The following ISYNA1 variants were observed in gnomAD, a reference collection of about 807,000 sequenced individuals.
ISYNA1 encodes inositol-3-phosphate synthase 1.
A neutral mutation model predicts 50.3 loss-of-function variants in ISYNA1; 34 were observed. The observed-to-expected ratio is 0.68, with a 90% confidence interval of 0.51 to 0.90. The LOEUF (loss-of-function observed/expected upper bound fraction) is 0.90. Among genes scored for constraint, ISYNA1 ranks in the 40% least tolerant of loss-of-function variants. ISYNA1 has a pLI of 0.00. For synonymous variants in ISYNA1, 396 were observed against 349.9 expected (o/e 1.13, Z -1.47); for missense variants, 718 against 784.8 (o/e 0.91, Z 1.02).
At position 18,434,843 on chromosome 19, in the gene ISYNA1, T is replaced by G; in HGVS notation, c.*70A>C. On this transcript the variant is annotated 3_prime_UTR_variant, in exon 11 of 11. Transcript: ENST00000338128. ...GGCTGAGTGGCAGCGCCTTTATTTG[T>G]GGGGGCCTTCAAGGTAGGGTCGTGG... 5 of 1,316,244 alleles carry G rather than the reference T, an allele frequency of 3.8e-6. No individual in the cohort carries two copies. Among genetic ancestry groups the G allele is most frequent in the Non-Finnish European group, 5.4e-6 (5 of 918,404 alleles). 81.5% of individuals were successfully genotyped at this position (1,316,244 alleles called of 1,614,324 possible).
At chr19:18,437,832 C>G (rs1180057487) in intron 2 of ISYNA1, 28 bp downstream of exon 2, 1 of 1,610,616 alleles carries the variant, frequency 6.2e-7, no homozygotes, top group Non-Finnish European at 8.5e-7. Flanking sequence ...CTCCCCAGCA[C>G]GCCTCCTTCC....
Position 18,435,271 on chromosome 19 carries a change from G to A in ISYNA1, c.1467C>T (p.Ile489=). ...ACCTGGAGGCTGGGGTGCACCTGAG[G>A]ATGTTCTCGATGCAGCTGCGCTGGC... ...LFRQRSCIEN[I]LRACVGLPPQ... is the part of the protein sequence containing the mutation. The change falls in exon 10 of 11, where the codon ATC becomes ATT. Residue 489 remains isoleucine (I), a synonymous_variant. Coordinates refer to ENST00000338128, the MANE Select transcript of ISYNA1 (RefSeq NM_016368.5). 1.9e-6 allele frequency: 3 copies of A among 1,605,194 alleles called. No individual in the cohort carries two copies. Among genetic ancestry groups the A allele is most frequent in the Admixed American group, 1.7e-5 (1 of 60,004 alleles).
chr19:18,435,219 AG>A (rs35926638), intron 10 of ISYNA1, 46 bp downstream of exon 10: 595,308 of 1,594,268 alleles, frequency 0.37, 118,360 homozygotes, highest in African/African-American at 0.75. Context: ...TAGCTTAGCC[AG>A]GGGGGTATCT....
Position 18,435,785 on chromosome 19 carries a change from T to C in ISYNA1, c.1112A>G (p.Tyr371Cys). The C allele has an allele frequency of 6.2e-7, 1 of 1,613,600 alleles. No individual in the cohort carries two copies. The highest frequency in any genetic ancestry group is 8.5e-7 in the Non-Finnish European group (1 of 1,179,900). Residue 371 changes from tyrosine to cysteine, a missense_variant, in exon 8 of 11, where the codon TAT becomes TGT. Transcript: ENST00000338128. ...GTGGTCAGGCTCTTCGCCGGGCGTA[T>C]AGAGCACTGGGTTGCTCTGCACCAT... The part of the protein sequence containing the change: ...DDMVQSNPVL[Y>C]TPGEEPDHCV...
chr19:18,437,581 C>T lies in ISYNA1; in HGVS notation c.282+18G>A. ...TCCCACCAAGCCTCCCTACCCACCA[C>T]GCCCCTCCCGCCCCCACCTTGCGGC... On this transcript the variant is annotated intron_variant, in intron 3 of 10. Coordinates refer to ENST00000338128, the MANE Select transcript of ISYNA1 (RefSeq NM_016368.5). 6.9e-7 allele frequency: 1 copy of T among 1,444,584 alleles called. No individual in the cohort carries two copies. Among genetic ancestry groups the T allele is most frequent in the Non-Finnish European group, 9.1e-7 (1 of 1,100,246 alleles). 89.5% of individuals were successfully genotyped at this position (1,444,584 alleles called of 1,614,324 possible). A position where few individuals can be genotyped will look rare whatever the true frequency, so the allele number is the denominator to read the frequency against.
At chr19:18,436,914 T>C (rs570653689) in intron 4 of ISYNA1, 37 bp from the exon 5 acceptor site, 68 of 1,598,028 alleles carry the variant, frequency 4.3e-5, no homozygotes, top group Non-Finnish European at 5.8e-5. Context: ...GCCCGGATCC[T>C]GGGCCCCTCC....
intron 4 of ISYNA1, 21 bp downstream of exon 4, chr19:18,436,952 C>A: frequency 6.2e-7 from 1 of 1,606,940 alleles, no homozygotes; most frequent in Non-Finnish European, 8.5e-7. Context: ...CCGCCCCACC[C>A]CGGCCCAGGG....
rs374999334 is a variant in ISYNA1, at chr19:18,435,530, C to T, written c.1254+33G>A. 2.0e-5 allele frequency: 32 copies of T among 1,604,566 alleles called. No homozygotes were observed. The African/African-American group carries it at 3.1e-4, about 15-fold the overall frequency. ...AGATGGGGGCGGTGGCCAAGCCCTG[C>T]CTCCCATAGCAGCCCCTGAAGCCGC... On this transcript the variant is annotated intron_variant, in intron 9 of 10. Transcript: ENST00000338128.
rs752841720 is a variant in ISYNA1 at position 18,435,582 on chromosome 19, A to G, written c.1235T>C (p.Val412Ala). ...CCGCACCTCACACGTGTTGTGCAGC[A>G]CCAGTGTGTTGGTTCCGCCCAGCAT... ...ELMLGGTNTL[V>A]LHNTCEDSLL... The change falls in exon 9 of 11, where the codon GTG (valine) becomes GCG (alanine). Residue 412 changes from valine to alanine, a missense_variant. Physicochemically the swap from Val to Ala is moderately conservative, Grantham distance 64. Transcript: ENST00000338128. 2 of 1,608,658 alleles carry G rather than the reference A, an allele frequency of 1.2e-6. No homozygotes were observed. The highest frequency in any genetic ancestry group is 1.7e-5 in the Admixed American group (1 of 59,462).
chr19:18,435,937 A>T lies in ISYNA1; in HGVS notation c.976-16T>A. ...TGGACATGGTCTGTGGGTACAAGGG[A>T]AGCCCCAGCAGCTGCAGGCCCTGCG... is the stretch of plus-strand genomic sequence containing the variant. On this transcript the variant is annotated splice_polypyrimidine_tract_variant and intron_variant, in intron 7 of 10. Transcript: ENST00000338128. The T allele has an allele frequency of 6.2e-7, 1 of 1,613,570 alleles. No homozygotes were observed. Among genetic ancestry groups the T allele is most frequent in the Non-Finnish European group, 8.5e-7 (1 of 1,179,764 alleles).
In ISYNA1 at chr19:18,436,222, G is replaced by T; in HGVS notation, c.785C>A (p.Thr262Lys). ...CAGGATGCTGGCCACGGCGAAGAGC[G>T]TGGAGGGCGACACCTCCAGACCGAG... ...IELGLEVSPSTLFAVASILEG... is the reference protein window; with the variant it reads ...IELGLEVSPSKLFAVASILEG... Residue 262 changes from threonine to lysine, a missense_variant, in exon 7 of 11, where the codon ACG becomes AAG. Transcript: ENST00000338128. 6.2e-7 allele frequency: 1 copy of T among 1,609,572 alleles called. No individual in the cohort carries two copies. Among genetic ancestry groups the T allele is most frequent in the East Asian group, 2.2e-5 (1 of 44,886 alleles).
At position 18,434,484 on chromosome 19, in the gene ISYNA1, C is replaced by T. The variant is rs1973855951; in HGVS notation, c.*429G>A. The T allele has an allele frequency of 7.1e-6, 6 of 844,932 alleles. No homozygotes were observed. In the South Asian group the frequency reaches 1.3e-4, roughly 19 times the overall value. The allele number at this position is 844,932 out of a possible 1,614,324, so 52.3% of individuals were successfully genotyped here. ...TTGTATTTTGTCCCAGAGAGAAAGG[C>T]TCTTTGGGGGGCCCCTCTCCCCAGG... is the stretch of plus-strand genomic sequence containing the variant. On this transcript the variant is annotated 3_prime_UTR_variant, in exon 11 of 11. Transcript: ENST00000338128.
chr19:18,434,427 A>C lies in ISYNA1; in HGVS notation c.*486T>G. 1 of 1,201,846 alleles carries C rather than the reference A, an allele frequency of 8.3e-7. No homozygotes were observed. Among genetic ancestry groups the C allele is most frequent in the Non-Finnish European group, 1.1e-6 (1 of 907,012 alleles). 74.4% of individuals were successfully genotyped at this position (1,201,846 alleles called of 1,614,324 possible). ...TATTAAAAACGCAAGGACCTCAGAG[A>C]CGTTCTTTTCTGTATGGACCCTTCC... is the stretch of plus-strand genomic sequence containing the variant. On this transcript the variant is annotated 3_prime_UTR_variant, in exon 11 of 11. Coordinates refer to ENST00000338128, the MANE Select transcript of ISYNA1 (RefSeq NM_016368.5).
chr19:18,437,073 C>A lies in ISYNA1; in HGVS notation c.315G>T (p.Ala105=), dbSNP rs770008089. The A allele has an allele frequency of 1.9e-6, 3 of 1,581,010 alleles. No homozygotes were observed. The highest frequency in any genetic ancestry group is 3.7e-5 in the Admixed American group (2 of 54,506). The change falls in exon 4 of 11, where the codon GCG becomes GCT. Residue 105 remains alanine (A), a synonymous_variant. Transcript: ENST00000338128. ...CGTCCAGGCCCAGGCTCACGGTGCC[C>A]GCCTGAGTCAGCGAGCCGTAGTAGT... ...EANYYGSLTQ[A]GTVSLGLDAE... is the part of the protein sequence containing the mutation.
At position 18,434,393 on chromosome 19, in the gene ISYNA1, T is replaced by TTA; in HGVS notation, c.*518_*519dup. ...CTGGGAGGCCCCACACGAAAGACTC[T>TTA]TACCATTTTATTAAAAACGCAAGGA... On this transcript the variant is annotated 3_prime_UTR_variant, in exon 11 of 11. Coordinates refer to ENST00000338128, the MANE Select transcript of ISYNA1 (RefSeq NM_016368.5). 1.5e-6 allele frequency: 2 copies of TTA among 1,375,586 alleles called. No individual in the cohort carries two copies. Among genetic ancestry groups the TTA allele is most frequent in the Non-Finnish European group, 1.9e-6 (2 of 1,050,386 alleles). The allele number at this position is 1,375,586 out of a possible 1,614,324, so 85.2% of individuals were successfully genotyped here.
At chr19:18,438,015 C>G (rs1406809434) in intron 1 of ISYNA1, 27 bp from the exon 2 acceptor site, 2 of 1,535,726 alleles carry the variant, frequency 1.3e-6, no homozygotes, top group African/African-American at 2.8e-5. Flanking sequence ...AGCAGGGGGT[C>G]AGCGGGGACT....
At position 18,435,336 on chromosome 19, in the gene ISYNA1, G is replaced by T; in HGVS notation, c.1402C>A (p.Leu468Ile). ...SLLSFLFKAP[L>I]VPPGSPVVNA... ...ACCACCGGGCTGCCGGGCGGCACTA[G>T]TGGCGCCTTGAAGAGGAAGCTGAGC... Residue 468 changes from leucine (L) to isoleucine (I), a missense_variant, in exon 10 of 11, where the codon CTA (leucine) becomes ATA (isoleucine). Physicochemically the swap from Leu to Ile is conservative, Grantham distance 5 (BLOSUM62 2). Transcript: ENST00000338128. 6.2e-7 allele frequency: 1 copy of T among 1,610,156 alleles called. No homozygotes were observed. Among genetic ancestry groups the T allele is most frequent in the African/African-American group, 1.3e-5 (1 of 75,062 alleles).
chr19:18,435,994 C>G (rs771635438), intron 7 of ISYNA1, 38 bp downstream of exon 7: 2 of 1,612,626 alleles, frequency 1.2e-6, no homozygotes, highest in South Asian at 1.1e-5. Flanking sequence ...CGGCCCAGGC[C>G]CCCTTCCTGC....
Position 18,437,903 on chromosome 19 carries a change from T to G in ISYNA1, c.77A>C (p.Glu26Ala), listed in dbSNP as rs1300187084. 2 of 1,611,986 alleles carry G rather than the reference T, an allele frequency of 1.2e-6. No individual in the cohort carries two copies. Among genetic ancestry groups the G allele is most frequent in the South Asian group, 2.2e-5 (2 of 91,044 alleles). The change falls in exon 2 of 11, where the codon GAG (glutamate) becomes GCG (alanine). Residue 26 changes from glutamate to alanine, a missense_variant. This residue lies in a region of ISYNA1 where 403 missense variants were observed against 466.6 expected (regional missense o/e 0.86). Coordinates refer to ENST00000338128, the MANE Select transcript of ISYNA1 (RefSeq NM_016368.5). ...YGPEAIEAQY[E>A]YRTTRVSREG... is the part of the protein sequence containing the mutation. ...GCGGCTGACGCGCGTCGTCCGGTAC[T>G]CGTATTGCGCCTCGATGGCCTCGGG...
Sources: gnomAD v4.1 joint callset for allele counts on GRCh38, gnomAD v4.1.1 for gene constraint, gnomAD v4.1.1 regional missense constraint, MANE v1.5 for transcripts, NCBI Gene and HGNC (gene_info 2026-07-23, HGNC 2026-07-21) for gene names.